The following EPB41 variants were observed in gnomAD, a reference collection of about 807,000 sequenced individuals.
EPB41 encodes protein 4.1.
EPB41 carries 65 observed loss-of-function variants against 108.0 expected under a neutral mutation model. The observed-to-expected ratio is 0.60, with a 90% CI of 0.49 to 0.74. The LOEUF is 0.74. EPB41 is among the 30% of genes least tolerant of loss of function. The pLI, the probability that EPB41 is intolerant of heterozygous loss-of-function variation, is 0.00. For missense variants in EPB41, 875 were observed against 1,037.0 expected, an observed-to-expected ratio of 0.84 and a Z score of 2.15; for synonymous variants, 336 against 358.9, an observed-to-expected ratio of 0.94 and a Z score of 0.72.
At chr1:29,114,573 G>A (rs1227622757) in intron 19 of EPB41, among the ~76,000 whole-genome samples, 2 of 150,202 alleles carry the variant, frequency 1.3e-5, no homozygotes, top group Non-Finnish European at 2.9e-5. Flanking sequence ...AACCCAGGAG[G>A]CAGAGGTTTC....
chr1:28,970,190 T>C (rs1411786623), intron 1 of EPB41, among the ~76,000 whole-genome samples: 1 of 152,216 alleles, frequency 6.6e-6, no homozygotes. Flanking sequence ...TACTTAACAA[T>C]GGTAAGAGAC....
intron 11 of EPB41, among the ~76,000 whole-genome samples, chr1:29,040,655 G>A (rs146204163): frequency 9.1e-4 from 138 of 152,252 alleles, no homozygotes; most frequent in African/African-American, 3.3e-3. Context: ...CATTGTTGGA[G>A]TCTCCAAATG....
rs1378149513 is a variant in EPB41 at position 29,109,626 on chromosome 1, CCT to C, written c.2415+190_2415+191del. ...CCCAGCAATAAATCTAGGGAGATACCCTGAGAGTATCCCTGCCTACTTAGTAG... is the reference window on the plus strand; with the variant it reads ...CCCAGCAATAAATCTAGGGAGATACCGAGAGTATCCCTGCCTACTTAGTAG... On this transcript the variant is annotated intron_variant, in intron 18 of 20. Coordinates refer to ENST00000343067, the MANE Select transcript of EPB41 (RefSeq NM_001376013.1). 1.2e-5 allele frequency: 8 copies of C among 643,938 alleles called. No individual in the cohort carries two copies. The African/African-American group carries it at 1.4e-4, about 12-fold the overall frequency. The allele number at this position is 643,938 out of a possible 1,614,324, so 39.9% of individuals were successfully genotyped here.
intron 5 of EPB41, among the ~76,000 whole-genome samples, chr1:29,013,729 A>G (rs1269559094): frequency 6.6e-6 from 1 of 151,396 alleles, no homozygotes; most frequent in Non-Finnish European, 1.5e-5. Flanking sequence ...GGGTTTCGCC[A>G]TGTTGGCCAG....
At chr1:29,057,269 G>A (rs1281630209) in intron 12 of EPB41, among the ~76,000 whole-genome samples, 3 of 151,192 alleles carry the variant, frequency 2.0e-5, no homozygotes, top group South Asian at 2.1e-4. Flanking sequence ...CCAGCTACTT[G>A]GGAGGCTGAG....
At chr1:28,899,253 C>A (rs57330070) in intron 1 of EPB41, among the ~76,000 whole-genome samples, 5,397 of 152,248 alleles carry the variant, frequency 0.035, 332 homozygotes, top group African/African-American at 0.12. Context: ...GTACAGAAAG[C>A]ACCTAGTGAG....
At chr1:28,939,046 T>C (rs1483814472) in intron 1 of EPB41, among the ~76,000 whole-genome samples, 1 of 152,330 alleles carries the variant, frequency 6.6e-6, no homozygotes, top group East Asian at 1.9e-4. Context: ...AGAGTAGACA[T>C]TCTAGTCTTA....
At chr1:28,943,897 G>A (rs570862204) in intron 1 of EPB41, among the ~76,000 whole-genome samples, 1 of 152,286 alleles carries the variant, frequency 6.6e-6, no homozygotes, top group South Asian at 2.1e-4. Flanking sequence ...ATATAACAAA[G>A]AGGTATCTGC....
chr1:28,907,839 A>G (rs1244208358), intron 1 of EPB41, among the ~76,000 whole-genome samples: 2 of 116,178 alleles, frequency 1.7e-5, no homozygotes, highest in Admixed American at 1.8e-4. Flanking sequence ...TAAAAATTTT[A>G]ATTTTTTTTT....
At chr1:28,958,819 CAAAAA>C (rs35105287) in intron 1 of EPB41, among the ~76,000 whole-genome samples, 1 of 65,762 alleles carries the variant, frequency 1.5e-5, no homozygotes, top group African/African-American at 5.8e-5. Flanking sequence ...ACCCTGTCTC[CAAAAA>C]AAAAAAAAAA....
chr1:28,917,186 T>C (rs1275621824), intron 1 of EPB41, among the ~76,000 whole-genome samples: 3 of 152,174 alleles, frequency 2.0e-5, no homozygotes, highest in South Asian at 4.1e-4. Flanking sequence ...TCTCCTTATT[T>C]TTTGTATTGT....
intron 9 of EPB41, among the ~76,000 whole-genome samples, chr1:29,035,042 C>T (rs867349101): frequency 1.2e-4 from 16 of 138,744 alleles, no homozygotes; most frequent in African/African-American, 2.9e-4. Flanking sequence ...AGTGCAGTGG[C>T]GCCATCTCAG....
intron 2 of EPB41, among the ~76,000 whole-genome samples, chr1:28,990,328 C>CTTCCTTCCTTCCTTCCTTCCTTCCTTCT (rs2095983665): frequency 7.3e-6 from 1 of 136,520 alleles, no homozygotes; most frequent in Non-Finnish European, 1.6e-5. Context: ...TCCTTCCTTC[C>CTTCCTTCCTTCCTTCCTTCCTTCCTTCT]TTCCTTCCCT....
chr1:29,107,256 C>T (rs1667520068), intron 17 of EPB41, among the ~76,000 whole-genome samples: 1 of 152,120 alleles, frequency 6.6e-6, no homozygotes, highest in Non-Finnish European at 1.5e-5. Context: ...GTCAGAGTGA[C>T]TTGCCCAAGG....
rs1644819681 is a variant in EPB41 at position 29,053,216 on chromosome 1, G to A, written c.1749G>A (p.Val583=). ...GVLDASAKKT[V]VPKAQKETVK... ...TAGATGCCTCTGCTAAAAAAACAGT[G>A]GTCCCTAAAGCACAGAAGGAAACAG... The change falls in exon 12 of 21, where the codon GTG becomes GTA. Residue 583 remains valine, a synonymous_variant. Coordinates refer to ENST00000343067, the MANE Select transcript of EPB41 (RefSeq NM_001376013.1). 8 of 1,614,010 alleles carry A rather than the reference G, an allele frequency of 5.0e-6. No homozygotes were observed. Among genetic ancestry groups the A allele is most frequent in the South Asian group, 1.1e-5 (1 of 91,084 alleles).
intron 7 of EPB41, among the ~76,000 whole-genome samples, chr1:29,028,964 C>T (rs2096755270): frequency 6.6e-6 from 1 of 151,746 alleles, no homozygotes; most frequent in African/African-American, 2.4e-5. Flanking sequence ...ATCACTTGAG[C>T]CTGGGAAGTG....
rs371217135 is a variant in EPB41 at position 28,900,990 on chromosome 1, C to T, written c.-8+13780C>T. ...TGTTACCCAGGCTGGAGTGCAGTGG[C>T]GAGATCTCAGCTCACTGCAAACTCC... is the stretch of plus-strand genomic sequence containing the variant. On this transcript the variant is annotated intron_variant, in intron 1 of 16. Transcript: ENST00000347529. Among the ~76,000 whole-genome samples the T allele has an allele frequency of 4.4e-4, 67 of 151,864 alleles. 1 individual carries two copies. In the East Asian group the frequency reaches 9.5e-3, roughly 22 times the overall value.
chr1:29,112,483 G>T, intron 19 of EPB41, 35 bp downstream of exon 19: 1 of 1,577,148 alleles, frequency 6.3e-7, no homozygotes, highest in Non-Finnish European at 8.7e-7. Flanking sequence ...CCTGGGAGGG[G>T]TCCCTGGGCA....
At chr1:28,906,971 A>C (rs203302) in intron 1 of EPB41, among the ~76,000 whole-genome samples, 118,383 of 151,484 alleles carry the variant, frequency 0.78, 46,854 homozygotes, top group East Asian at 0.92. Flanking sequence ...CGGGGTTTCA[A>C]CATGTCAGCC....
Sources: gnomAD v4.1 joint callset for allele counts (sites outside exome capture counted in the v4.1 genomes callset) on GRCh38, gnomAD v4.1.1 for gene constraint, MANE v1.5 for transcripts, NCBI Gene and HGNC (gene_info 2026-07-23, HGNC 2026-07-21) for gene names.